The following DNAH12 variants were observed in gnomAD, a reference collection of about 807,000 sequenced individuals.
The protein encoded by DNAH12 is axonemal beta dynein heavy chain 12.
In DNAH12, 285 loss-of-function variants were observed where a neutral mutation model predicts 371.5. The ratio of observed to expected loss-of-function variants is 0.77; its 90% CI spans 0.70 to 0.85. DNAH12 has a LOEUF of 0.85. Ranked by LOEUF, DNAH12 falls within the 40% of genes least tolerant of loss-of-function variation. The pLI, the probability that DNAH12 is intolerant of heterozygous loss-of-function variation, is 0.00. For synonymous variants in DNAH12, 1,200 were observed against 1,213.0 expected, an observed-to-expected ratio of 0.99 and a Z score of 0.22; for missense variants, 3,611 against 3,689.4, an observed-to-expected ratio of 0.98 and a Z score of 0.55.
chr3:57,485,829 G>A (rs1199796936), intron 12 of DNAH12, among the ~76,000 whole-genome samples: 1 of 152,150 alleles, frequency 6.6e-6, no homozygotes. Context: ...CTCGGTGTGG[G>A]GAAGGCTGAG....
chr3:57,334,687 C>T, intron 61 of DNAH12, 78 bp from the exon 62 acceptor site: 2 of 1,506,496 alleles, frequency 1.3e-6, no homozygotes, highest in Non-Finnish European at 1.8e-6. Flanking sequence ...GAGTAGAAAC[C>T]AGACAGCTAT....
Position 57,320,204 on chromosome 3 carries a change from G to C in DNAH12, c.10524+2139C>G, listed in dbSNP as rs139244416. On this transcript the variant is annotated intron_variant, in intron 65 of 73. Transcript: ENST00000495027. ...TTATGGTTGAGCTTGCTTTCCACAG[G>C]TTTCCTTTGACTAAAATGTCAGCTC... Among the ~76,000 whole-genome samples the C allele has an allele frequency of 8.8e-3, 1,335 of 152,214 alleles. 21 individuals are homozygous for C. Among genetic ancestry groups the C allele is most frequent in the African/African-American group, 0.03 (1,263 of 41,520 alleles).
chr3:57,488,822 A>G (rs1010424917), intron 12 of DNAH12, among the ~76,000 whole-genome samples: 1 of 152,176 alleles, frequency 6.6e-6, no homozygotes, highest in African/African-American at 2.4e-5. Context: ...TGGGTGAACA[A>G]ACCACAGGAC....
intron 13 of DNAH12, among the ~76,000 whole-genome samples, chr3:57,480,098 T>TA (rs1206835037): frequency 1.3e-5 from 2 of 151,612 alleles, no homozygotes; most frequent in East Asian, 1.9e-4. Context: ...AATAGAGACA[T>TA]AAAAAACCCT....
intron 39 of DNAH12, among the ~76,000 whole-genome samples, 156 bp from the exon 40 acceptor site, chr3:57,408,691 G>GC (rs1459431732): frequency 2.0e-5 from 3 of 152,158 alleles, no homozygotes; most frequent in Admixed American, 2.0e-4. Flanking sequence ...TTTTTTTAAA[G>GC]CAGAATTTGG....
chr3:57,377,463 A>G (rs910643666), intron 52 of DNAH12, among the ~76,000 whole-genome samples: 15 of 152,150 alleles, frequency 9.9e-5, no homozygotes, highest in Non-Finnish European at 1.6e-4. Flanking sequence ...GGCTAACAAA[A>G]TGTCAAAATA....
Position 57,405,113 on chromosome 3 carries a change from C to A in DNAH12, c.6611G>T (p.Gly2204Val). The A allele has an allele frequency of 6.5e-7, 1 of 1,537,462 alleles. No homozygotes were observed. Among genetic ancestry groups the A allele is most frequent in the Non-Finnish European group, 8.7e-7 (1 of 1,142,958 alleles). The change falls in exon 42 of 74, where the codon GGT becomes GTT. Residue 2204 changes from glycine (G) to valine (V), a missense_variant. Physicochemically the swap from Gly to Val is moderately radical, Grantham distance 109 (BLOSUM62 -3). Transcript: ENST00000495027. ...TEEDLRNLMF[G>V]DYMNPDLEGD... The stretch of plus-strand genomic sequence containing the variant: ...TTCAAGGTCAGGATTCATATAATCA[C>A]CAAACATGAGATTTCTTAAGTCTTC...
intron 40 of DNAH12, among the ~76,000 whole-genome samples, chr3:57,407,662 C>T (rs1467261485): frequency 5.3e-5 from 8 of 151,962 alleles, no homozygotes; most frequent in Admixed American, 5.2e-4. Flanking sequence ...TATATTGTTT[C>T]CCATTTACCA....
At chr3:57,548,565 C>T (rs1022290118), upstream of DNAH12, among the ~76,000 whole-genome samples, 53 of 152,066 alleles carry the variant, frequency 3.5e-4, no homozygotes, top group African/African-American at 1.2e-3. Flanking sequence ...CTTAGCCAGG[C>T]GTTGGTGGTG....
intron 59 of DNAH12, among the ~76,000 whole-genome samples, chr3:57,354,538 T>TTA (rs2062753126): frequency 1.9e-5 from 1 of 52,906 alleles, no homozygotes; most frequent in Non-Finnish European, 4.4e-5. Context: ...TCTTGTTTGC[T>TTA]AAAAAAAAAA....
chr3:57,476,919 C>A (rs1218228053), intron 13 of DNAH12, among the ~76,000 whole-genome samples: 1 of 151,930 alleles, frequency 6.6e-6, no homozygotes, highest in African/African-American at 2.4e-5. Flanking sequence ...ATTAGTGAAA[C>A]TAAAGAAATT....
At chr3:57,549,159 G>C (rs1353308121), upstream of DNAH12, among the ~76,000 whole-genome samples, 3 of 151,660 alleles carry the variant, frequency 2.0e-5, no homozygotes, top group African/African-American at 7.3e-5. Context: ...CTTGTGAATA[G>C]CCAATGCACT....
chr3:57,294,601 GGAA>G (rs1481691380), intron 73 of DNAH12, among the ~76,000 whole-genome samples: 2 of 152,066 alleles, frequency 1.3e-5, no homozygotes, highest in African/African-American at 4.8e-5. Context: ...GAGAAGGGAG[GGAA>G]GAAGGAATAA....
At chr3:57,393,276 T>G (rs2063663061) in intron 44 of DNAH12, among the ~76,000 whole-genome samples, 3 of 152,116 alleles carry the variant, frequency 2.0e-5, no homozygotes, top group African/African-American at 7.2e-5. Context: ...TGATATATTT[T>G]GTGGGTAAAA....
In DNAH12 at chr3:57,419,626, TC is replaced by T. The variant is rs1205495773; in HGVS notation, c.5563-109del. 4.2e-5 allele frequency: 30 copies of T among 721,422 alleles called. No individual in the cohort carries two copies. The South Asian group carries it at 1.5e-3, about 36-fold the overall frequency. The allele number at this position is 721,422 out of a possible 1,614,324, so 44.7% of individuals were successfully genotyped here. On this transcript the variant is annotated intron_variant, in intron 36 of 73. Transcript: ENST00000495027. ...TATTAGCTTTTAAAAACTTAAGTCT[TC>T]CCCCTTTTAATGAAATATTACATTC...
chr3:57,416,115 ACT>A (rs2153357994), intron 37 of DNAH12, among the ~76,000 whole-genome samples: 1 of 151,670 alleles, frequency 6.6e-6, no homozygotes, highest in East Asian at 1.9e-4. Flanking sequence ...ATAAGGTTTC[ACT>A]CTGTCACTCA....
chr3:57,430,230 T>C (rs971315550), intron 32 of DNAH12, among the ~76,000 whole-genome samples: 1 of 152,130 alleles, frequency 6.6e-6, no homozygotes, highest in Non-Finnish European at 1.5e-5. Flanking sequence ...CATATTGCCA[T>C]TACCTTTTTA....
At chr3:57,534,157 A>G (rs7631075) in intron 2 of DNAH12, among the ~76,000 whole-genome samples, 1 of 145,186 alleles carries the variant, frequency 6.9e-6, no homozygotes, top group Non-Finnish European at 1.5e-5. Flanking sequence ...ATTGAGTTCA[A>G]TGCAAAGTCT....
chr3:57,355,187 C>A (rs894486384), intron 59 of DNAH12, among the ~76,000 whole-genome samples: 10 of 152,074 alleles, frequency 6.6e-5, no homozygotes, highest in African/African-American at 2.2e-4. Context: ...CTACACTTAA[C>A]TCAAAATTAA....
Sources: gnomAD v4.1 joint callset for allele counts (sites outside exome capture counted in the v4.1 genomes callset) on GRCh38, gnomAD v4.1.1 for gene constraint, MANE v1.5 for transcripts, NCBI Gene and HGNC (gene_info 2026-07-23, HGNC 2026-07-21) for gene names.